Variants in XDH observed in about 807,000 individuals in gnomAD.
The protein encoded by XDH is xanthine dehydrogenase.
A neutral mutation model predicts 156.1 loss-of-function variants in XDH; 138 were observed. That is an observed-to-expected ratio of 0.88 (90% confidence interval 0.77 to 1.02). The LOEUF is 1.02. XDH is among the 50% of genes least tolerant of loss of function. The probability of loss-of-function intolerance (pLI) is 0.00; values close to 1 mark genes in which losing one functional copy is unlikely to be tolerated. For synonymous variants in XDH, 669 were observed against 625.7 expected, an observed-to-expected ratio of 1.07 and a Z score of -1.03; for missense variants, 1,849 against 1,684.9, an observed-to-expected ratio of 1.10 and a Z score of -1.71.
rs1685307871 is a variant in XDH, at chr2:31,346,797, T to C, written c.3323A>G (p.Lys1108Arg). The C allele has an allele frequency of 3.1e-6, 5 of 1,614,186 alleles. No homozygotes were observed. The highest frequency in any genetic ancestry group is 1.1e-5 in the South Asian group (1 of 91,090). ...ILKRLEPYKK[K>R]NPSGSWEDWV... ...GTCTTCCCAGGAGCCACTGGGATTC[T>C]TCTTCTTGTAGGGTTCCAGCCTTTT... The change falls in exon 30 of 36, where the codon AAG becomes AGG. Residue 1108 changes from lysine (K) to arginine (R), a missense_variant. Transcript: ENST00000379416.
At chr2:31,342,340 A>G (rs371780499) in intron 31 of XDH, 43 bp from the exon 32 acceptor site, 2 of 1,522,272 alleles carry the variant, frequency 1.3e-6, no homozygotes, top group African/African-American at 1.4e-5. Context: ...ATTAACATGA[A>G]CACACCCCCT....
chr2:31,362,935 G>A (rs1366515451), intron 24 of XDH, among the ~76,000 whole-genome samples: 6 of 152,194 alleles, frequency 3.9e-5, no homozygotes, highest in Non-Finnish European at 8.8e-5. Context: ...TCCATCAAGT[G>A]GTGAATGGGA....
At chr2:31,372,893 C>T (rs976418831) in intron 16 of XDH, among the ~76,000 whole-genome samples, 2 of 151,678 alleles carry the variant, frequency 1.3e-5, no homozygotes, top group African/African-American at 4.8e-5. Context: ...TAATAATTTG[C>T]TCTCGGAGGT....
At chr2:31,398,791 T>G in intron 4 of XDH, 92 bp from the exon 5 acceptor site, 1 of 1,584,098 alleles carries the variant, frequency 6.3e-7, no homozygotes. Flanking sequence ...TGTTGAGAGA[T>G]AGTGGGGGTA....
At chr2:31,372,195 A>G in intron 17 of XDH, 33 bp downstream of exon 17, 1 of 1,614,062 alleles carries the variant, frequency 6.2e-7, no homozygotes, top group East Asian at 2.2e-5. Flanking sequence ...CCCTCACAGC[A>G]TTCCACCAGC....
intron 32 of XDH, 42 bp from the exon 33 acceptor site, chr2:31,341,436 A>G (rs1158139508): frequency 1.3e-6 from 2 of 1,544,612 alleles, no homozygotes; most frequent in African/African-American, 2.7e-5. Flanking sequence ...GAGGAGGAAA[A>G]GATGTTTGGA....
chr2:31,364,612 G>T (rs528779583), intron 23 of XDH, among the ~76,000 whole-genome samples: 1 of 152,206 alleles, frequency 6.6e-6, no homozygotes, highest in South Asian at 2.1e-4. Context: ...AAAGATACCG[G>T]ACTGTCTCCT....
rs1686091752 is a variant in XDH at position 31,372,223 on chromosome 2, C to G, written c.1856+5G>C. The G allele has an allele frequency of 5.0e-6, 8 of 1,614,096 alleles. No homozygotes were observed. Among genetic ancestry groups the G allele is most frequent in the Non-Finnish European group, 6.8e-6 (8 of 1,180,030 alleles). On this transcript the variant is annotated splice_donor_5th_base_variant and intron_variant, in intron 17 of 35. Coordinates refer to ENST00000379416, the MANE Select transcript of XDH (RefSeq NM_000379.4). Reference sequence around the variant, plus strand: ...CCACCAGCTCCTCCTGGCGGTGTCACTCACTTGATCTTGGCGTGGGCCCGG... The same window carrying G: ...CCACCAGCTCCTCCTGGCGGTGTCAGTCACTTGATCTTGGCGTGGGCCCGG...
At chr2:31,336,653 A>T (rs1461603823) in intron 35 of XDH, among the ~76,000 whole-genome samples, 1 of 150,418 alleles carries the variant, frequency 6.6e-6, no homozygotes, top group Non-Finnish European at 1.5e-5. Context: ...CTCTTGGTAG[A>T]CCCAAGGAAG....
chr2:31,341,473 T>A, intron 32 of XDH, 79 bp from the exon 33 acceptor site: 1 of 1,443,160 alleles, frequency 6.9e-7, no homozygotes, highest in Non-Finnish European at 9.5e-7. Context: ...ATAGTGACCC[T>A]CAGACTACAA....
rs747013253 is a variant in XDH, at chr2:31,398,565, G to C, written c.433+8C>G. On this transcript the variant is annotated splice_region_variant and intron_variant, in intron 5 of 35. Coordinates refer to ENST00000379416, the MANE Select transcript of XDH (RefSeq NM_000379.4). Reference sequence around the variant, plus strand: ...TCCACCTCCTAGGCTGTGCCTGAAGGCCCATACCTTGGAAGGCATTCTCAA... The same window carrying C: ...TCCACCTCCTAGGCTGTGCCTGAAGCCCCATACCTTGGAAGGCATTCTCAA... 1 of 1,613,914 alleles carries C rather than the reference G, an allele frequency of 6.2e-7. No homozygotes were observed. Among genetic ancestry groups the C allele is most frequent in the Non-Finnish European group, 8.5e-7 (1 of 1,179,840 alleles).
At chr2:31,395,044 T>C (rs1168587497) in intron 6 of XDH, among the ~76,000 whole-genome samples, 4 of 152,232 alleles carry the variant, frequency 2.6e-5, no homozygotes, top group Non-Finnish European at 4.4e-5. Flanking sequence ...GGTTCTGCTG[T>C]TTGTTCAGTC....
At position 31,336,022 on chromosome 2, in the gene XDH, AT is replaced by A; in HGVS notation, c.3952-15del. 1 of 1,613,980 alleles carries A rather than the reference AT, an allele frequency of 6.2e-7. No homozygotes were observed. Among genetic ancestry groups the A allele is most frequent in the South Asian group, 1.1e-5 (1 of 91,084 alleles). ...ACCAGTGACACACTAGGAAGGAATG[AT>A]AGTGTTCTCATTGCCAGGGTCTGCT... On this transcript the variant is annotated splice_polypyrimidine_tract_variant and intron_variant, in intron 35 of 35. Transcript: ENST00000379416.
chr2:31,363,226 C>T lies in XDH; in HGVS notation c.2631+932G>A, dbSNP rs45538335. Among the ~76,000 whole-genome samples, 629 of 152,270 alleles carry T rather than the reference C, an allele frequency of 4.1e-3. 4 individuals carry two copies. The highest frequency in any genetic ancestry group is 0.014 in the African/African-American group (585 of 41,556). ...ACTCGGGAGGCTGAGACAGGAGAAT[C>T]GCTTGAAGCTGGAGGCAGAGGTTGC... On this transcript the variant is annotated intron_variant, in intron 24 of 35. Transcript: ENST00000379416.
At chr2:31,383,977 T>A in intron 9 of XDH, 130 bp from the exon 10 acceptor site, 1 of 860,822 alleles carries the variant, frequency 1.2e-6, no homozygotes, top group Non-Finnish European at 1.9e-6. Flanking sequence ...CTCTGGTGAC[T>A]GTAGGTGTCT....
chr2:31,346,065 T>C (rs1328481509), intron 30 of XDH, among the ~76,000 whole-genome samples: 4 of 152,224 alleles, frequency 2.6e-5, no homozygotes, highest in East Asian at 1.9e-4. Flanking sequence ...AGCCGGTTTA[T>C]GTGCAGTCAC....
rs778067446 is a variant in XDH at position 31,383,161 on chromosome 2, G to A, written c.887-9C>T. 16 of 1,614,000 alleles carry A rather than the reference G, an allele frequency of 9.9e-6. No individual in the cohort carries two copies. The highest frequency in any genetic ancestry group is 1.3e-5 in the African/African-American group (1 of 74,904). On this transcript the variant is annotated splice_polypyrimidine_tract_variant and intron_variant, in intron 10 of 35. Transcript: ENST00000379416. ...AGCTCCAAAGGAGATACCTGGGAAC[G>A]CACGTTCGGAATCACAGCAATTCTT...
Position 31,368,600 on chromosome 2 carries a change from T to C in XDH, c.2041A>G (p.Arg681Gly). 3 of 1,614,236 alleles carry C rather than the reference T, an allele frequency of 1.9e-6. No homozygotes were observed. In the East Asian group the frequency reaches 6.7e-5, roughly 36 times the overall value. Residue 681 changes from arginine to glycine, a missense_variant, in exon 19 of 36, where the codon AGA becomes GGA. Coordinates refer to ENST00000379416, the MANE Select transcript of XDH (RefSeq NM_000379.4). ...GTGATTTTCACCCCTTGGGCAGCTC[T>C]CTGTGTGTGTTCCGGGGTGTCAGCA... ...VVADTPEHTQ[R>G]AAQGVKITYE...
intron 8 of XDH, among the ~76,000 whole-genome samples, chr2:31,387,242 T>A (rs1257844642): frequency 1.3e-5 from 2 of 152,196 alleles, no homozygotes; most frequent in African/African-American, 2.4e-5. Context: ...AGCTCAAAAC[T>A]CTGAGAAGTG....
Sources: gnomAD v4.1 joint callset for allele counts (sites outside exome capture counted in the v4.1 genomes callset) on GRCh38, gnomAD v4.1.1 for gene constraint, MANE v1.5 for transcripts, NCBI Gene and HGNC (gene_info 2026-07-23, HGNC 2026-07-21) for gene names.